The following GGH variants were observed in gnomAD, a reference collection of about 807,000 sequenced individuals.
GGH encodes the protein gamma-Glu-X carboxypeptidase.
A neutral mutation model predicts 39.2 loss-of-function variants in GGH; 18 were observed. The ratio of observed to expected loss-of-function variants is 0.46; its 90% CI spans 0.32 to 0.68. The LOEUF (loss-of-function observed/expected upper bound fraction) is 0.68. Among genes scored for constraint, GGH ranks in the 30% least tolerant of loss-of-function variants. The pLI, the probability that GGH is intolerant of heterozygous loss-of-function variation, is 0.04. For synonymous variants in GGH, 147 were observed against 138.8 expected (o/e 1.06, Z -0.42); for missense variants, 367 against 384.1 (o/e 0.96, Z 0.37).
chr8:63,017,591 T>A lies in GGH; in HGVS notation c.737A>T (p.Glu246Val). Residue 246 changes from glutamate (E) to valine (V), a missense_variant, in exon 8 of 9, where the codon GAG (glutamate) becomes GTG (valine). Transcript: ENST00000260118. ...YPVYGVQWHPEKAPYEWKNLD... is the reference protein window; with the variant it reads ...YPVYGVQWHPVKAPYEWKNLD... ...ATTCTTCCACTCATAAGGTGCTTTCTCTGGATGCCACTGGACACCATATAC... is the reference window on the plus strand; with the variant it reads ...ATTCTTCCACTCATAAGGTGCTTTCACTGGATGCCACTGGACACCATATAC... 3 of 1,605,962 alleles carry A rather than the reference T, an allele frequency of 1.9e-6. No homozygotes were observed. The highest frequency in any genetic ancestry group is 2.6e-6 in the Non-Finnish European group (3 of 1,172,634).
chr8:63,017,042 A>C (rs1449205862), intron 8 of GGH, among the ~76,000 whole-genome samples: 1 of 152,108 alleles, frequency 6.6e-6, no homozygotes, highest in Non-Finnish European at 1.5e-5. Flanking sequence ...CCAAGAAGAA[A>C]GAGCTTGGTG....
At chr8:63,015,592 T>C in intron 8 of GGH, 139 bp from the exon 9 acceptor site, 1 of 447,100 alleles carries the variant, frequency 2.2e-6, no homozygotes, top group Non-Finnish European at 3.9e-6. Context: ...GCTCTTCCTA[T>C]AGAACAGCCA....
intron 5 of GGH, chr8:63,024,920 G>A (rs548548538): frequency 5.9e-5 from 9 of 152,194 alleles, no homozygotes; most frequent in African/African-American, 2.2e-4. Flanking sequence ...TTCCCACCAG[G>A]TTTTTGCAAT....
At chr8:63,033,530 T>C (rs1410732459) in intron 2 of GGH, among the ~76,000 whole-genome samples, 1 of 145,436 alleles carries the variant, frequency 6.9e-6, no homozygotes, top group Non-Finnish European at 1.5e-5. Flanking sequence ...GTTGTTGGCA[T>C]ATAGTTTAAG....
chr8:63,024,039 A>G (rs747266717), intron 6 of GGH, 41 bp downstream of exon 6: 2 of 1,541,572 alleles, frequency 1.3e-6, no homozygotes, highest in African/African-American at 2.7e-5. Flanking sequence ...TTCTGCAGTT[A>G]TTCTAAACAT....
At chr8:63,017,286 ATT>A in intron 8 of GGH, 1 of 459,512 alleles carries the variant, frequency 2.2e-6, no homozygotes, top group South Asian at 4.3e-5. Flanking sequence ...ATGTATGATA[ATT>A]GAAGTAACTG....
At chr8:63,021,196 CT>C (rs1804578853) in intron 7 of GGH, among the ~76,000 whole-genome samples, 1 of 152,130 alleles carries the variant, frequency 6.6e-6, no homozygotes, top group Non-Finnish European at 1.5e-5. Flanking sequence ...TCAAAATTGT[CT>C]TCATGATTCA....
intron 7 of GGH, among the ~76,000 whole-genome samples, chr8:63,021,504 GC>G (rs1804584172): frequency 6.6e-6 from 1 of 152,136 alleles, no homozygotes; most frequent in Middle Eastern, 3.2e-3. Flanking sequence ...CTAGTTATCA[GC>G]AGGCTTCTTA....
rs1400112489 is a variant in GGH, at chr8:63,015,449, C to A, written c.840G>T (p.Arg280=). ...YLAEFFVNEA[R]KNNHHFKSES... is the part of the protein sequence containing the mutation. The stretch of plus-strand genomic sequence containing the variant: ...CAGATTTAAAATGATGGTTGTTTTT[C>A]CGAGCTGCAAGAAAAAAAGTTAATT... The change falls in exon 9 of 9, where the codon CGG becomes CGT. Residue 280 remains arginine, a synonymous_variant. Coordinates refer to ENST00000260118, the MANE Select transcript of GGH (RefSeq NM_003878.3). 1.3e-6 allele frequency: 2 copies of A among 1,542,150 alleles called. No homozygotes were observed. The highest frequency in any genetic ancestry group is 1.2e-5 in the South Asian group (1 of 82,892).
At chr8:63,016,703 C>G (rs1585664388) in intron 8 of GGH, among the ~76,000 whole-genome samples, 1 of 152,210 alleles carries the variant, frequency 6.6e-6, no homozygotes, top group Non-Finnish European at 1.5e-5. Context: ...CTGCTACACA[C>G]AGTTCTGCTT....
chr8:63,027,275 C>T lies in GGH; in HGVS notation c.276-10G>A, dbSNP rs377603060. 7 of 1,527,440 alleles carry T rather than the reference C, an allele frequency of 4.6e-6. No individual in the cohort carries two copies. Among genetic ancestry groups the T allele is most frequent in the East Asian group, 2.3e-5 (1 of 44,418 alleles). The allele number at this position is 1,527,440 out of a possible 1,614,324, so 94.6% of individuals were successfully genotyped here. ...TCCAGGGAAAAGGATTCTGAAACAA[C>T]GTTACATAAATCAAATAGGGTGTAT... On this transcript the variant is annotated splice_polypyrimidine_tract_variant and intron_variant, in intron 3 of 8. Transcript: ENST00000260118.
rs2129684720 is a variant in GGH at position 63,035,789 on chromosome 8, T to C, written c.110-19A>G. On this transcript the variant is annotated intron_variant, in intron 1 of 8. Coordinates refer to ENST00000260118, the MANE Select transcript of GGH (RefSeq NM_003878.3). ...AATATTCCTAATAACAAAAAAAAGT[T>C]TAGTTTCAAGCAAATTCCTTTTCTT... 6.3e-7 allele frequency: 1 copy of C among 1,592,592 alleles called. No homozygotes were observed.
At chr8:63,027,408 G>T (rs997190369) in intron 3 of GGH, 143 bp from the exon 4 acceptor site, 12 of 512,396 alleles carry the variant, frequency 2.3e-5, no homozygotes. Flanking sequence ...GAAAAGTAAA[G>T]AAAAAAGAAA....
intron 4 of GGH, among the ~76,000 whole-genome samples, 157 bp from the exon 5 acceptor site, chr8:63,026,453 T>C (rs974594403): frequency 6.6e-6 from 1 of 152,208 alleles, no homozygotes; most frequent in Non-Finnish European, 1.5e-5. Flanking sequence ...TAATCTCTCT[T>C]CAGACCAAGC....
At chr8:63,016,578 C>T (rs1247877193) in intron 8 of GGH, among the ~76,000 whole-genome samples, 1 of 152,324 alleles carries the variant, frequency 6.6e-6, no homozygotes, top group African/African-American at 2.4e-5. Flanking sequence ...CTTCACTTAA[C>T]GTCATCGATA....
chr8:63,024,209 G>C (rs1313527960), intron 5 of GGH, 23 bp from the exon 6 acceptor site: 1 of 1,388,994 alleles, frequency 7.2e-7, no homozygotes, highest in Admixed American at 1.8e-5. Context: ...AAGTACAAGA[G>C]AAATAATTTA....
intron 8 of GGH, 128 bp downstream of exon 8, chr8:63,017,365 A>G (rs1804503907): frequency 1.7e-6 from 1 of 601,610 alleles, no homozygotes; most frequent in South Asian, 2.2e-5. Context: ...CATTTGTATT[A>G]TTCTTTAAAG....
intron 7 of GGH, among the ~76,000 whole-genome samples, chr8:63,022,631 T>C (rs969212567): frequency 1.1e-4 from 17 of 151,964 alleles, no homozygotes; most frequent in Non-Finnish European, 2.5e-4. Flanking sequence ...CTCGACTCAT[T>C]GCAACTCCAA....
intron 5 of GGH, among the ~76,000 whole-genome samples, chr8:63,025,667 G>A (rs1269993307): frequency 6.6e-6 from 1 of 152,030 alleles, no homozygotes; most frequent in Admixed American, 6.6e-5. Context: ...GGAGGTAGAG[G>A]TTGCAGTGAG....
Sources: allele counts gnomAD v4.1 joint callset (sites outside exome capture counted in the v4.1 genomes callset), GRCh38; gene constraint gnomAD v4.1.1; transcripts MANE v1.5; gene names NCBI Gene and HGNC (gene_info 2026-07-23, HGNC 2026-07-21).